The following MID1 variants were observed in gnomAD, a reference collection of about 807,000 sequenced individuals.
MID1 encodes the protein E3 ubiquitin-protein ligase Midline-1.
In MID1, 7 loss-of-function variants were observed where a neutral mutation model predicts 40.4. The ratio of observed to expected loss-of-function variants is 0.17; its 90% confidence interval spans 0.10 to 0.33. The LOEUF (loss-of-function observed/expected upper bound fraction) is 0.33. MID1 is among the 10% of genes least tolerant of loss of function. MID1 has a pLI of 1.00. For missense variants in MID1, 367 were observed against 558.5 expected (o/e 0.66, Z 3.46); for synonymous variants, 229 against 221.2 (o/e 1.04, Z -0.31).
At chrX:10,736,700 A>G (rs2043490199) in intron 1 of MID1, among the ~76,000 whole-genome samples, 2 of 112,349 alleles carry the variant, frequency 1.8e-5, no homozygotes, top group South Asian at 7.5e-4. Flanking sequence ...TATACTAACT[A>G]AAGGATTCTT....
intron 1 of MID1, among the ~76,000 whole-genome samples, chrX:10,770,783 G>T (rs370345279): frequency 8.9e-6 from 1 of 111,873 alleles, no homozygotes; most frequent in African/African-American, 3.2e-5. Flanking sequence ...ATTGTGGAAA[G>T]TGGCTCAGAA....
chrX:10,467,443 A>AT (rs1171108531), intron 7 of MID1, among the ~76,000 whole-genome samples: 3 of 111,761 alleles, frequency 2.7e-5, no homozygotes, highest in South Asian at 3.7e-4. Flanking sequence ...GACACTGATG[A>AT]TTTTTTCCCA....
At chrX:10,583,571 A>G (rs943300460) in intron 1 of MID1, among the ~76,000 whole-genome samples, 13 of 112,315 alleles carry the variant, frequency 1.2e-4, no homozygotes, top group African/African-American at 4.2e-4. Context: ...AAAAAAATGG[A>G]ATGTGATGAA....
At chrX:10,657,845 C>T (rs1372803195) in intron 1 of MID1, among the ~76,000 whole-genome samples, 1 of 112,158 alleles carries the variant, frequency 8.9e-6, no homozygotes. Flanking sequence ...TAGGCTAAAG[C>T]ACAGAGTTTA....
intron 1 of MID1, among the ~76,000 whole-genome samples, chrX:10,618,092 C>A (rs1190308968): frequency 9.0e-6 from 1 of 111,526 alleles, no homozygotes; most frequent in African/African-American, 3.2e-5. Context: ...CCCAGAATTT[C>A]TGGCTATCAG....
At chrX:10,596,444 A>G (rs1935413473) in intron 1 of MID1, among the ~76,000 whole-genome samples, 2 of 112,500 alleles carry the variant, frequency 1.8e-5, no homozygotes, top group South Asian at 3.7e-4. Context: ...AATGTTTACT[A>G]GAATAAATGT....
chrX:10,743,353 A>AAATAC (rs2043537712), intron 1 of MID1, among the ~76,000 whole-genome samples: 1 of 112,784 alleles, frequency 8.9e-6, no homozygotes, highest in Non-Finnish European at 1.9e-5. Context: ...GGCCAAAGAT[A>AAATAC]AATACGAAAC....
intron 1 of MID1, among the ~76,000 whole-genome samples, chrX:10,590,292 G>C (rs1356530239): frequency 2.7e-5 from 3 of 111,275 alleles, no homozygotes; most frequent in African/African-American, 9.8e-5. Flanking sequence ...CCTTTTCTGA[G>C]TATAAAACAA....
At chrX:10,461,162 CACACATATTT>C (rs2147268608) in intron 7 of MID1, among the ~76,000 whole-genome samples, 1 of 106,326 alleles carries the variant, frequency 9.4e-6, no homozygotes, top group Admixed American at 1.0e-4. Flanking sequence ...CACACACACA[CACACATATTT>C]GGTCTTGTGA....
chrX:10,809,351 A>C (rs1253234671), intron 1 of MID1, among the ~76,000 whole-genome samples: 2 of 111,947 alleles, frequency 1.8e-5, no homozygotes, highest in African/African-American at 6.5e-5. Context: ...TAGTTCAACC[A>C]TTGTGGAAGA....
intron 1 of MID1, among the ~76,000 whole-genome samples, chrX:10,636,219 C>T (rs1189787725): frequency 3.6e-5 from 4 of 111,788 alleles, no homozygotes; most frequent in African/African-American, 1.3e-4. Context: ...TCCAGCAACA[C>T]AGAGGGGAAA....
At position 10,531,785 on chromosome X, in the gene MID1, T is replaced by C. The variant is rs770868681; in HGVS notation, c.661-8598A>G. On this transcript the variant is annotated intron_variant, in intron 2 of 9. Coordinates refer to ENST00000317552, the MANE Select transcript of MID1 (RefSeq NM_000381.4). The stretch of plus-strand genomic sequence containing the variant: ...TAATTTTAGCAGATCCAATGACGAC[T>C]AGTTATTTCCAGGTATTAGAGATGT... Among the ~76,000 whole-genome samples, 6 of 112,105 alleles carry C rather than the reference T, an allele frequency of 5.4e-5. No homozygotes were observed. In the South Asian group the frequency reaches 2.2e-3, roughly 41 times the overall value.
At chrX:10,464,388 A>G (rs935488301) in intron 7 of MID1, among the ~76,000 whole-genome samples, 3 of 111,715 alleles carry the variant, frequency 2.7e-5, no homozygotes. Context: ...TCAAGCAATA[A>G]ATATCTTCCT....
At chrX:10,456,984 T>C (rs1179354469) in intron 8 of MID1, among the ~76,000 whole-genome samples, 5 of 112,000 alleles carry the variant, frequency 4.5e-5, no homozygotes, top group Non-Finnish European at 9.4e-5. Context: ...TAAAAAGAAG[T>C]CCTTAGGAAT....
At chrX:10,684,590 T>A (rs535523423) in intron 1 of MID1, among the ~76,000 whole-genome samples, 1 of 108,179 alleles carries the variant, frequency 9.2e-6, no homozygotes, top group Non-Finnish European at 1.9e-5. Context: ...GTATTTTTTT[T>A]AGTAGAGATG....
chrX:10,446,056 C>G lies in MID1; in HGVS notation c.*3312G>C, dbSNP rs1928024126. ...GGATGTTTAACGGCGTCCATGACCT[C>G]TACGCACTAGATGCTGGTAGCTTCC... is the stretch of plus-strand genomic sequence containing the variant. On this transcript the variant is annotated 3_prime_UTR_variant, in exon 10 of 10. Coordinates refer to ENST00000317552, the MANE Select transcript of MID1 (RefSeq NM_000381.4). The G allele has an allele frequency of 9.0e-6, 1 of 111,583 alleles. No homozygotes were observed. The highest frequency in any genetic ancestry group is 3.3e-5 in the African/African-American group (1 of 30,682). 9.2% of individuals were successfully genotyped at this position (111,583 alleles called of 1,213,427 possible). A position where few individuals can be genotyped will look rare whatever the true frequency, so the allele number is the denominator to read the frequency against.
intron 1 of MID1, among the ~76,000 whole-genome samples, chrX:10,808,596 A>G (rs1333980607): frequency 1.8e-5 from 2 of 110,050 alleles, no homozygotes; most frequent in Non-Finnish European, 3.8e-5. Flanking sequence ...CCTTTTCATT[A>G]TATCTATTTC....
At chrX:10,557,578 CT>C (rs1412791356) in intron 2 of MID1, among the ~76,000 whole-genome samples, 1 of 112,129 alleles carries the variant, frequency 8.9e-6, no homozygotes, top group African/African-American at 3.2e-5. Flanking sequence ...CTCAGCCCTA[CT>C]TTCCTCATCT....
At chrX:10,579,237 C>A (rs1208732704) in intron 1 of MID1, among the ~76,000 whole-genome samples, 3 of 112,054 alleles carry the variant, frequency 2.7e-5, no homozygotes, top group Non-Finnish European at 5.6e-5. Flanking sequence ...GTGATCTATT[C>A]TCTGAAAGAC....
Sources: allele counts gnomAD v4.1 joint callset (sites outside exome capture counted in the v4.1 genomes callset), GRCh38; gene constraint gnomAD v4.1.1; transcripts MANE v1.5; gene names NCBI Gene and HGNC (gene_info 2026-07-23, HGNC 2026-07-21).